The following ZMYM2 variants were observed in gnomAD, a reference collection of about 807,000 sequenced individuals.
The protein encoded by ZMYM2 is zinc finger MYM-type protein 2.
In ZMYM2, 56 loss-of-function variants were observed where a neutral mutation model predicts 162.8. That is an observed-to-expected ratio of 0.34 (90% CI 0.28 to 0.43). The LOEUF (loss-of-function observed/expected upper bound fraction) is 0.43, where lower values mean the gene tolerates loss of function less well. Among genes scored for constraint, ZMYM2 ranks in the 20% least tolerant of loss-of-function variants. The probability of loss-of-function intolerance (pLI) is 1.00; values close to 1 mark genes in which losing one functional copy is unlikely to be tolerated. For synonymous variants in ZMYM2, 510 were observed against 541.6 expected (o/e 0.94, Z 0.81); for missense variants, 1,275 against 1,621.8 (o/e 0.79, Z 3.67).
chr13:20,017,006 T>G (rs998071676), intron 6 of ZMYM2, among the ~76,000 whole-genome samples: 43 of 152,244 alleles, frequency 2.8e-4, no homozygotes, highest in Non-Finnish European at 2.5e-4. Context: ...AGGCTTTTGC[T>G]TACTTTACTT....
At chr13:19,871,710 G>A in the ZMYM2 span, among the ~76,000 whole-genome samples, 956 of 152,216 alleles carry the variant, frequency 6.3e-3, 16 homozygotes, top group African/African-American at 0.021. Flanking sequence ...TATACTAAAT[G>A]TAAAAAATTG....
chr13:19,891,125 T>A, the ZMYM2 span, among the ~76,000 whole-genome samples: 1 of 151,876 alleles, frequency 6.6e-6, no homozygotes, highest in African/African-American at 2.4e-5. Flanking sequence ...GGGGCCTGCA[T>A]AAGGAGGTAA....
At chr13:20,047,574 A>G (rs1954938439) in intron 12 of ZMYM2, among the ~76,000 whole-genome samples, 1 of 152,152 alleles carries the variant, frequency 6.6e-6, no homozygotes, top group South Asian at 2.1e-4. Flanking sequence ...TAGTACACAC[A>G]CATTGTATTT....
the ZMYM2 span, among the ~76,000 whole-genome samples, chr13:19,928,087 C>G: frequency 1.3e-5 from 2 of 152,052 alleles, no homozygotes; most frequent in African/African-American, 2.4e-5. Context: ...CTCGCTGCAG[C>G]CTCGACTTTC....
intron 21 of ZMYM2, among the ~76,000 whole-genome samples, chr13:20,080,271 A>G (rs930863968): frequency 1.2e-4 from 19 of 152,160 alleles, no homozygotes; most frequent in African/African-American, 4.6e-4. Flanking sequence ...TTTTTGTTCT[A>G]CTATTTTAGA....
intron 3 of ZMYM2, among the ~76,000 whole-genome samples, chr13:19,996,754 T>C (rs932372245): frequency 6.6e-6 from 1 of 152,050 alleles, no homozygotes; most frequent in Admixed American, 6.6e-5. Context: ...GGCATGGTGG[T>C]GCACACCTGT....
chr13:19,983,672 A>G (rs1320939664), intron 2 of ZMYM2, among the ~76,000 whole-genome samples: 1 of 151,978 alleles, frequency 6.6e-6, no homozygotes, highest in Non-Finnish European at 1.5e-5. Flanking sequence ...TCTCTTGCCC[A>G]GGCTAGTTTG....
intron 2 of ZMYM2, among the ~76,000 whole-genome samples, chr13:19,984,394 G>A (rs1019947862): frequency 6.6e-6 from 1 of 152,162 alleles, no homozygotes; most frequent in African/African-American, 2.4e-5. Context: ...GAAATTCTGA[G>A]GTACAAGCAC....
the ZMYM2 span, among the ~76,000 whole-genome samples, chr13:19,904,279 G>A: frequency 1.2e-4 from 19 of 152,086 alleles, no homozygotes; most frequent in African/African-American, 4.3e-4. Context: ...ACTGTTGGCC[G>A]GGCGTGGTGG....
At chr13:19,929,340 G>A in the ZMYM2 span, among the ~76,000 whole-genome samples, 11 of 151,942 alleles carry the variant, frequency 7.2e-5, no homozygotes, top group South Asian at 4.1e-4. Flanking sequence ...CTGGGTTCAC[G>A]CCATTCTCCT....
At chr13:19,906,320 A>ATATATG in the ZMYM2 span, among the ~76,000 whole-genome samples, 1 of 131,594 alleles carries the variant, frequency 7.6e-6, no homozygotes, top group Non-Finnish European at 1.6e-5. Flanking sequence ...ATATATATAT[A>ATATATG]TATGTTGTAT....
chr13:20,022,468 C>T (rs1458525345), intron 7 of ZMYM2, among the ~76,000 whole-genome samples: 3 of 152,072 alleles, frequency 2.0e-5, no homozygotes. Flanking sequence ...CAGGTTTCTC[C>T]AGGGTAAAGT....
chr13:19,991,429 C>T (rs2139702236), intron 2 of ZMYM2, among the ~76,000 whole-genome samples: 1 of 151,762 alleles, frequency 6.6e-6, no homozygotes, highest in East Asian at 1.9e-4. Flanking sequence ...CTGAGGTTAT[C>T]TTCTTAACTC....
the ZMYM2 span, among the ~76,000 whole-genome samples, chr13:19,869,107 A>T: frequency 2.0e-5 from 3 of 152,242 alleles, no homozygotes; most frequent in African/African-American, 7.2e-5. Flanking sequence ...ATAAAAATAC[A>T]TACAAATACC....
chr13:20,043,946 A>G (rs1404267313), intron 12 of ZMYM2, among the ~76,000 whole-genome samples: 2 of 152,042 alleles, frequency 1.3e-5, no homozygotes, highest in South Asian at 2.1e-4. Context: ...GGTAGAAGCT[A>G]TGATGGGGGC....
chr13:20,046,992 C>T (rs1479873206), intron 12 of ZMYM2, among the ~76,000 whole-genome samples: 2 of 152,042 alleles, frequency 1.3e-5, no homozygotes, highest in Non-Finnish European at 1.5e-5. Context: ...ATTATATATT[C>T]ATGCCTTATT....
intron 1 of ZMYM2, 141 bp downstream of exon 1, chr13:19,958,982 C>G (rs1954815949): frequency 6.6e-6 from 1 of 151,914 alleles, no homozygotes; most frequent in African/African-American, 2.4e-5. Flanking sequence ...TCCGGAGCCT[C>G]CCACCGACCC....
At chr13:20,046,701 GTA>G (rs775855012) in intron 12 of ZMYM2, among the ~76,000 whole-genome samples, 3 of 150,268 alleles carry the variant, frequency 2.0e-5, no homozygotes, top group Non-Finnish European at 1.5e-5. Flanking sequence ...GTGTGTGTGT[GTA>G]TATATATATT....
At chr13:19,864,797 CG>C in the ZMYM2 span, 1 of 152,292 alleles carries the variant, frequency 6.6e-6, no homozygotes, top group Non-Finnish European at 1.5e-5. Flanking sequence ...AGATGGCGCC[CG>C]GTGAGGGCGG....
Sources: gnomAD v4.1 joint callset for allele counts (sites outside exome capture counted in the v4.1 genomes callset) on GRCh38, gnomAD v4.1.1 for gene constraint, MANE v1.5 for transcripts, NCBI Gene and HGNC (gene_info 2026-07-23, HGNC 2026-07-21) for gene names.